Variants in CRB1 observed in about 807,000 individuals in gnomAD.
CRB1 encodes the protein crumbs cell polarity complex component 1, also known as protein crumbs homolog 1.
A neutral mutation model predicts 120.0 loss-of-function variants in CRB1; 83 were observed. The observed-to-expected ratio is 0.69, with a 90% CI of 0.58 to 0.83. The LOEUF is 0.83. CRB1 is among the 40% of genes least tolerant of loss of function. CRB1 has a pLI of 0.00. For synonymous variants in CRB1, 625 were observed against 612.5 expected, an observed-to-expected ratio of 1.02 and a Z score of -0.30; for missense variants, 1,699 against 1,687.6, an observed-to-expected ratio of 1.01 and a Z score of -0.12.
In CRB1 at chr1:197,421,971, A is replaced by C. The variant is rs75691013; in HGVS notation, c.2128+15A>C. The C allele has an allele frequency of 2.9e-3, 4,707 of 1,611,858 alleles. 133 individuals are homozygous for C. The African/African-American group carries it at 0.054, about 19-fold the overall frequency. ...CTGTCTGAGAGGTGAGAGAAAGCTG[A>C]GTGCTATGGCTAGGAGTGCCATGCC... On this transcript the variant is annotated intron_variant, in intron 6 of 11. Transcript: ENST00000367400.
Position 197,429,320 on chromosome 1 carries a change from C to A in CRB1, c.2677-129C>A, listed in dbSNP as rs16841475. On this transcript the variant is annotated intron_variant, in intron 7 of 11. Transcript: ENST00000367400. ...TTATTCTATTTAGTTAACAATGGAT[C>A]TTAAAAGTTTAAAATGTAAAGATGC... 2,803 of 1,367,244 alleles carry A rather than the reference C, an allele frequency of 2.1e-3. 35 individuals are homozygous for A. In the African/African-American group the frequency reaches 0.023, roughly 11 times the overall value. 84.7% of individuals were successfully genotyped at this position (1,367,244 alleles called of 1,614,324 possible).
chr1:197,223,036 G>A, the CRB1 span: 7 of 787,368 alleles, frequency 8.9e-6, no homozygotes, highest in South Asian at 2.7e-5. Context: ...TTATGAGGAA[G>A]ACAAGGACTA....
intron 11 of CRB1, chr1:197,443,136 AAAAAG>A (rs1477351666): frequency 6.6e-6 from 1 of 152,004 alleles, no homozygotes; most frequent in Non-Finnish European, 1.5e-5. Flanking sequence ...AAAAAAAAAA[AAAAAG>A]AGAGAATTAC....
intron 2 of CRB1, among the ~76,000 whole-genome samples, chr1:197,338,244 G>A (rs1403837235): frequency 1.3e-5 from 2 of 151,992 alleles, no homozygotes; most frequent in Non-Finnish European, 1.5e-5. Flanking sequence ...GAAAGTGTAG[G>A]GGGAAAGTCA....
At chr1:197,446,811 T>A (rs1427905400) in intron 11 of CRB1, among the ~76,000 whole-genome samples, 1 of 151,906 alleles carries the variant, frequency 6.6e-6, no homozygotes, top group Non-Finnish European at 1.5e-5. Context: ...ATTTGGTGGA[T>A]AATATTTTTA....
chr1:197,415,586 C>T (rs1189993688), intron 5 of CRB1, among the ~76,000 whole-genome samples: 1 of 151,352 alleles, frequency 6.6e-6, no homozygotes, highest in Non-Finnish European at 1.5e-5. Context: ...CTTATTTACA[C>T]ACACAAAGAC....
At chr1:197,286,037 T>C (rs943957050) in intron 1 of CRB1, among the ~76,000 whole-genome samples, 2 of 151,864 alleles carry the variant, frequency 1.3e-5, no homozygotes, top group Non-Finnish European at 2.9e-5. Flanking sequence ...TAGGCCTTTC[T>C]CTGTACTCAT....
At chr1:197,245,921 T>C in the CRB1 span, among the ~76,000 whole-genome samples, 6 of 152,062 alleles carry the variant, frequency 3.9e-5, no homozygotes, top group African/African-American at 1.4e-4. Context: ...CCATGTGCCT[T>C]CCACTGCCAC....
At position 197,354,371 on chromosome 1, in the gene CRB1, T is replaced by C. The variant is rs537239159; in HGVS notation, c.989-2460T>C. Among the ~76,000 whole-genome samples, 5 of 152,318 alleles carry C rather than the reference T, an allele frequency of 3.3e-5. No individual in the cohort carries two copies. The South Asian group carries it at 6.2e-4, about 19-fold the overall frequency. ...CGAAATTGGTGGGTTGTTGGTCTGA[T>C]TGACTCTTCAAGAATGAAGCCACAG... is the stretch of plus-strand genomic sequence containing the variant. On this transcript the variant is annotated intron_variant, in intron 4 of 11. Coordinates refer to ENST00000367400, the MANE Select transcript of CRB1 (RefSeq NM_201253.3).
chr1:197,327,103 A>ACAAACAAAC (rs749229702), intron 1 of CRB1, among the ~76,000 whole-genome samples: 1 of 96,794 alleles, frequency 1.0e-5, no homozygotes, highest in African/African-American at 3.2e-5. Flanking sequence ...AAAAAAAAAA[A>ACAAACAAAC]AAAAAAAAAA....
intron 8 of CRB1, among the ~76,000 whole-genome samples, chr1:197,434,088 A>C (rs1665004256): frequency 6.6e-6 from 1 of 152,192 alleles, no homozygotes; most frequent in African/African-American, 2.4e-5. Context: ...GCATGAGAGC[A>C]ATTGATATGG....
At chr1:197,260,836 A>G in the CRB1 span, among the ~76,000 whole-genome samples, 1 of 152,014 alleles carries the variant, frequency 6.6e-6, no homozygotes, top group Non-Finnish European at 1.5e-5. Context: ...AGCTGGGACG[A>G]CAGGTGTGCA....
chr1:197,371,058 T>C (rs1661344075), intron 5 of CRB1, among the ~76,000 whole-genome samples: 1 of 152,216 alleles, frequency 6.6e-6, no homozygotes, highest in African/African-American at 2.4e-5. Flanking sequence ...TTCCAGTTCA[T>C]ATACTTTAGA....
At chr1:197,453,332 A>C (rs1226148135) in intron 11 of CRB1, among the ~76,000 whole-genome samples, 1 of 147,460 alleles carries the variant, frequency 6.8e-6, no homozygotes, top group Non-Finnish European at 1.5e-5. Flanking sequence ...ATAAGTATAT[A>C]TAATTAAATT....
intron 1 of CRB1, among the ~76,000 whole-genome samples, chr1:197,282,903 T>C (rs548464462): frequency 4.8e-4 from 73 of 151,960 alleles, no homozygotes; most frequent in Non-Finnish European, 9.1e-4. Flanking sequence ...CTCTCCTGGG[T>C]TCCCAAATTT....
In CRB1 at chr1:197,268,442, C is replaced by T. The variant is rs1412462070; in HGVS notation, c.30C>T (p.Leu10=). The change falls in exon 1 of 12, where the codon CTC becomes CTT. Residue 10 remains leucine, a synonymous_variant. Coordinates refer to ENST00000367400, the MANE Select transcript of CRB1 (RefSeq NM_201253.3). ...CACTTAAGAACATTAACTACCTTCT[C>T]ATCTTCTACCTCAGTTTCTCACTGC... MALKNINYL[L]IFYLSFSLLI... 5.6e-6 allele frequency: 9 copies of T among 1,613,056 alleles called. No individual in the cohort carries two copies. The highest frequency in any genetic ancestry group is 2.2e-5 in the East Asian group (1 of 44,864).
chr1:197,305,004 G>A (rs533407179), intron 1 of CRB1, among the ~76,000 whole-genome samples: 2 of 152,246 alleles, frequency 1.3e-5, no homozygotes, highest in African/African-American at 2.4e-5. Flanking sequence ...TTACTGGAAG[G>A]CCCTGCAGAG....
intron 2 of CRB1, among the ~76,000 whole-genome samples, chr1:197,338,630 G>T (rs1211891324): frequency 6.6e-6 from 1 of 152,054 alleles, no homozygotes; most frequent in East Asian, 1.9e-4. Context: ...ATGTGAAAAG[G>T]ATTAAGAAAA....
intron 1 of CRB1, among the ~76,000 whole-genome samples, chr1:197,282,388 A>G (rs1474247512): frequency 1.3e-5 from 2 of 151,900 alleles, no homozygotes; most frequent in Admixed American, 6.6e-5. Flanking sequence ...AGGCTTAAAT[A>G]TGAGTGTTCC....
Sources: allele counts gnomAD v4.1 joint callset (sites outside exome capture counted in the v4.1 genomes callset), GRCh38; gene constraint gnomAD v4.1.1; transcripts MANE v1.5; gene names NCBI Gene and HGNC (gene_info 2026-07-23, HGNC 2026-07-21).